GAL3ST2: variants seen among roughly 807,000 people sequenced by gnomAD.
GAL3ST2 encodes beta-galactose-3-O-sulfotransferase 2.
In GAL3ST2, 16 loss-of-function variants were observed where a neutral mutation model predicts 12.9. The ratio of observed to expected loss-of-function variants is 1.24; its 90% CI spans 0.84 to 1.88. The LOEUF is 1.88. Among genes scored for constraint, GAL3ST2 ranks in the 40% most tolerant of loss-of-function variants. The pLI, the probability that GAL3ST2 is intolerant of heterozygous loss-of-function variation, is 0.00. For missense variants in GAL3ST2, 639 were observed against 571.8 expected (o/e 1.12, Z -1.20); for synonymous variants, 302 against 273.9 (o/e 1.10, Z -1.01).
rs1699723764 is a variant in GAL3ST2 at position 241,793,422 on chromosome 2, G to A, written c.30-5643G>A. On this transcript the variant is annotated intron_variant, in intron 1 of 3. Transcript: ENST00000192314. This position sits in a 1 kb window ranked among gnomAD's most constrained non-coding sequence, Gnocchi z 4.7. ...TATATGTATGTATACATGTACGTGT[G>A]TATATTGTGTACGTGTATGTATGTA... Among the ~76,000 whole-genome samples, 1 of 151,766 alleles carries A rather than the reference G, an allele frequency of 6.6e-6. No homozygotes were observed. Among genetic ancestry groups the A allele is most frequent in the Non-Finnish European group, 1.5e-5 (1 of 67,970 alleles).
Position 241,797,018 on chromosome 2 carries a change from C to CT in GAL3ST2, c.30-2046dup. Reference sequence around the variant, plus strand: ...CTGGCGCAGCCATCCTTGAAACACTCTGACAGCAATGTTTTAAGAATGTAG... The same window carrying CT: ...CTGGCGCAGCCATCCTTGAAACACTCTTGACAGCAATGTTTTAAGAATGTAG... On this transcript the variant is annotated intron_variant, in intron 1 of 3. Coordinates refer to ENST00000192314, the MANE Select transcript of GAL3ST2 (RefSeq NM_022134.3). 1.3e-5 allele frequency among the ~76,000 whole-genome samples: 2 copies of CT among 152,222 alleles called. 1 individual carries two copies. The highest frequency in any genetic ancestry group is 2.9e-5 in the Non-Finnish European group (2 of 68,040).
chr2:241,801,920 G>A lies in GAL3ST2; in HGVS notation c.259G>A (p.Gly87Ser), dbSNP rs769371859. Residue 87 changes from glycine (G) to serine (S), a missense_variant, in exon 3 of 4, where the codon GGC becomes AGC. Physicochemically the swap from Gly to Ser is moderately conservative, Grantham distance 56. Transcript: ENST00000192314. The surrounding 1 kb of genome is among the most constrained non-coding windows in gnomAD (Gnocchi z 4.4). ...THNLSVALPA[G>S]SRVHLGYPWL... The stretch of plus-strand genomic sequence containing the variant: ...CAACCTGTCCGTGGCGCTGCCCGCC[G>A]GCTCACGCGTCCACCTGGGCTACCC... The A allele has an allele frequency of 2.9e-5, 47 of 1,612,862 alleles. No homozygotes were observed. The highest frequency in any genetic ancestry group is 2.7e-4 in the Admixed American group (16 of 59,994).
chr2:241,801,666 TG>T lies in GAL3ST2; in HGVS notation c.120-109del. The T allele has an allele frequency of 3.0e-6, 4 of 1,353,472 alleles. No homozygotes were observed. Among genetic ancestry groups the T allele is most frequent in the Non-Finnish European group, 2.9e-6 (3 of 1,028,242 alleles). The allele number at this position is 1,353,472 out of a possible 1,614,324, so 83.8% of individuals were successfully genotyped here. On this transcript the variant is annotated intron_variant, in intron 2 of 3. Transcript: ENST00000192314. The surrounding 1 kb of genome is among the most constrained non-coding windows in gnomAD (Gnocchi z 4.4). ...CCCAGTTGGCCCCCTGGCCTAGAGT[TG>T]GGGGGCTCAGGTTGGGAGGTCTCTC...
chr2:241,794,284 G>A (rs184739519), intron 1 of GAL3ST2, among the ~76,000 whole-genome samples: 3 of 152,188 alleles, frequency 2.0e-5, no homozygotes, highest in Non-Finnish European at 4.4e-5. Context: ...ATATTTTGTG[G>A]GTTCTTACTG....
intron 1 of GAL3ST2, among the ~76,000 whole-genome samples, chr2:241,798,189 T>C (rs922782560): frequency 1.3e-5 from 2 of 152,190 alleles, no homozygotes; most frequent in Non-Finnish European, 2.9e-5. Flanking sequence ...CCTGCTATGC[T>C]AGGCTCCTGG....
intron 1 of GAL3ST2, among the ~76,000 whole-genome samples, chr2:241,778,406 C>T (rs547271522): frequency 2.6e-5 from 4 of 152,354 alleles, no homozygotes; most frequent in South Asian, 2.1e-4. Flanking sequence ...AAATCCAGGC[C>T]GCCGGGCAAA....
chr2:241,777,003 C>T lies in GAL3ST2; in HGVS notation c.29+19C>T. 2.0e-6 allele frequency: 3 copies of T among 1,502,726 alleles called. No individual in the cohort carries two copies. The highest frequency in any genetic ancestry group is 1.3e-5 in the South Asian group (1 of 76,290). The allele number at this position is 1,502,726 out of a possible 1,614,324, so 93.1% of individuals were successfully genotyped here. On this transcript the variant is annotated intron_variant, in intron 1 of 3. Coordinates refer to ENST00000192314, the MANE Select transcript of GAL3ST2 (RefSeq NM_022134.3). ...TGCAGAGGTAAGGGGGGCAGTTGGA[C>T]CCCCCAGGTGGACAAAGCGCTTCAT...
intron 1 of GAL3ST2, among the ~76,000 whole-genome samples, chr2:241,778,245 G>A (rs535141204): frequency 1.6e-4 from 24 of 152,222 alleles, no homozygotes; most frequent in Admixed American, 9.8e-4. Context: ...TGCTTGGCCT[G>A]TGGGTGGAAC....
chr2:241,791,620 G>A (rs998678118), intron 1 of GAL3ST2, among the ~76,000 whole-genome samples: 8 of 152,172 alleles, frequency 5.3e-5, no homozygotes, highest in African/African-American at 1.7e-4. Context: ...GCACAAATTC[G>A]TGGCTGGGCT....
At chr2:241,787,336 A>G (rs146665565) in intron 1 of GAL3ST2, among the ~76,000 whole-genome samples, 93 of 152,310 alleles carry the variant, frequency 6.1e-4, no homozygotes, top group Non-Finnish European at 1.1e-3. Flanking sequence ...ACGTGTCTCA[A>G]ATTTTTAGGT....
rs1699495651 is a variant in GAL3ST2, at chr2:241,776,942, G to A, written c.-14G>A. On this transcript the variant is annotated 5_prime_UTR_variant, in exon 1 of 4. Coordinates refer to ENST00000192314, the MANE Select transcript of GAL3ST2 (RefSeq NM_022134.3). ...AAGCCTCGACTGTCCCCTCGCTGGA[G>A]GCCAGAGGCCAAGATGATGTCCATG... The A allele has an allele frequency of 1.3e-6, 2 of 1,539,588 alleles. No homozygotes were observed. The highest frequency in any genetic ancestry group is 1.4e-5 in the African/African-American group (1 of 71,702).
intron 1 of GAL3ST2, among the ~76,000 whole-genome samples, chr2:241,794,987 C>A (rs545433047): frequency 3.4e-4 from 51 of 152,234 alleles, no homozygotes; most frequent in Non-Finnish European, 6.0e-4. Flanking sequence ...AATTAGAGTG[C>A]ACAATTCGCT....
In GAL3ST2 at chr2:241,776,906, C is replaced by A; in HGVS notation, c.-50C>A. 1 of 1,432,740 alleles carries A rather than the reference C, an allele frequency of 7.0e-7. No individual in the cohort carries two copies. The highest frequency in any genetic ancestry group is 1.5e-5 in the African/African-American group (1 of 68,746). 88.8% of individuals were successfully genotyped at this position (1,432,740 alleles called of 1,614,324 possible). The stretch of plus-strand genomic sequence containing the variant: ...GGCAGGGGCCGAGGCGGTGGGACCT[C>A]GGGGGAGCTCAAGCCTCGACTGTCC... On this transcript the variant is annotated 5_prime_UTR_variant, in exon 1 of 4. Transcript: ENST00000192314.
In GAL3ST2 at chr2:241,799,958, C is replaced by T. The variant is rs577831713; in HGVS notation, c.119+804C>T. Among the ~76,000 whole-genome samples, 117 of 152,330 alleles carry T rather than the reference C, an allele frequency of 7.7e-4. 1 individual carries two copies. Among genetic ancestry groups the T allele is most frequent in the Non-Finnish European group, 1.4e-3 (96 of 68,032 alleles). On this transcript the variant is annotated intron_variant, in intron 2 of 3. Coordinates refer to ENST00000192314, the MANE Select transcript of GAL3ST2 (RefSeq NM_022134.3). ...CAGCCCTACATCTGGCCGCTGGTCT[C>T]GGCTTTGGGGTCCTTCCTTTTCCTG...
rs780773797 is a variant in GAL3ST2, at chr2:241,776,960, T to C, written c.5T>C (p.Met2Thr). 2 of 1,553,072 alleles carry C rather than the reference T, an allele frequency of 1.3e-6. No homozygotes were observed. Among genetic ancestry groups the C allele is most frequent in the Middle Eastern group, 1.7e-4 (1 of 5,818 alleles). The change falls in exon 1 of 4, where the codon ATG (methionine) becomes ACG (threonine). Residue 2 changes from methionine (M) to threonine (T), a missense_variant. Physicochemically the swap from Met to Thr is moderately conservative, Grantham distance 81. Transcript: ENST00000192314. The stretch of plus-strand genomic sequence containing the variant: ...CGCTGGAGGCCAGAGGCCAAGATGA[T>C]GTCCATGCTGGGCGGCTTGCAGAGG... M[M>T]SMLGGLQRYF...
At chr2:241,777,240 C>T (rs1280663420) in intron 1 of GAL3ST2, among the ~76,000 whole-genome samples, 2 of 152,198 alleles carry the variant, frequency 1.3e-5, no homozygotes, top group African/African-American at 4.8e-5. Flanking sequence ...AAGCTGCCCC[C>T]CAACACTGTG....
rs1432788395 is a variant in GAL3ST2 at position 241,802,660 on chromosome 2, A to G, written c.375+624A>G. Among the ~76,000 whole-genome samples, 1 of 71,500 alleles carries G rather than the reference A, an allele frequency of 1.4e-5. No individual in the cohort carries two copies. Among genetic ancestry groups the G allele is most frequent in the Admixed American group, 1.7e-4 (1 of 5,752 alleles). 46.9% of individuals were successfully genotyped at this position (71,500 alleles called of 152,430 possible). ...GGCAGAGGGAGGAGGAGGGGCCGGG[A>G]GGAGGGGAAAGGAAGAGGGTGGGGG... is the stretch of plus-strand genomic sequence containing the variant. On this transcript the variant is annotated intron_variant, in intron 3 of 3. Transcript: ENST00000192314. The surrounding 1 kb of genome is among the most constrained non-coding windows in gnomAD (Gnocchi z 4.8).
At chr2:241,797,260 T>C (rs569875241) in intron 1 of GAL3ST2, among the ~76,000 whole-genome samples, 62 of 152,330 alleles carry the variant, frequency 4.1e-4, no homozygotes, top group African/African-American at 1.5e-3. Context: ...ATCCTCTGAC[T>C]TCAGTGGTTT....
At chr2:241,781,859 C>T (rs1482123292) in intron 1 of GAL3ST2, among the ~76,000 whole-genome samples, 1 of 152,188 alleles carries the variant, frequency 6.6e-6, no homozygotes, top group Admixed American at 6.5e-5. Flanking sequence ...TGTCAAGTAT[C>T]AAAGGTTTAA....
Sources: allele counts gnomAD v4.1 joint callset (sites outside exome capture counted in the v4.1 genomes callset), GRCh38; gene constraint gnomAD v4.1.1; non-coding constraint Gnocchi (gnomAD v3.1); transcripts MANE v1.5; gene names NCBI Gene and HGNC (gene_info 2026-07-23, HGNC 2026-07-21).